Variants in SSC5D observed in about 807,000 individuals in gnomAD.
SSC5D encodes soluble scavenger receptor cysteine-rich domain-containing protein SSC5D.
Under a neutral mutation model 104.6 loss-of-function variants are expected in SSC5D, and 106 were observed. The observed-to-expected ratio is 1.01, with a 90% CI of 0.87 to 1.19. The LOEUF is 1.19. Among genes scored for constraint, SSC5D ranks in the 50% most tolerant of loss-of-function variants. The pLI is 0.00. For synonymous variants in SSC5D, 860 were observed against 883.5 expected (o/e 0.97, Z 0.47); for missense variants, 1,993 against 2,153.8 (o/e 0.93, Z 1.48).
intron 2 of SSC5D, 126 bp from the exon 3 acceptor site, chr19:55,489,228 G>T (rs1987055054): frequency 1.7e-6 from 2 of 1,167,362 alleles, no homozygotes; most frequent in Admixed American, 3.6e-5. Context: ...GGGCCCAGGG[G>T]CCAGTGAGCA....
chr19:55,512,912 G>A, intron 12 of SSC5D, 99 bp from the exon 13 acceptor site: 1 of 1,426,360 alleles, frequency 7.0e-7, no homozygotes, highest in Non-Finnish European at 9.7e-7. Context: ...GTTGAGACGG[G>A]ATGATGCCTG....
At chr19:55,495,136 C>A (rs1987278092) in intron 8 of SSC5D, among the ~76,000 whole-genome samples, 1 of 147,134 alleles carries the variant, frequency 6.8e-6, no homozygotes, top group South Asian at 2.1e-4. Context: ...CAAGGAACAG[C>A]CCTGCTCAAA....
rs2123448390 is a variant in SSC5D, at chr19:55,503,882, G to A, written c.2785+2681G>A. Among the ~76,000 whole-genome samples, 1 of 152,324 alleles carries A rather than the reference G, an allele frequency of 6.6e-6. No homozygotes were observed. Among genetic ancestry groups the A allele is most frequent in the Non-Finnish European group, 1.5e-5 (1 of 68,026 alleles). On this transcript the variant is annotated intron_variant, in intron 12 of 13. Coordinates refer to ENST00000389623, the MANE Select transcript of SSC5D (RefSeq NM_001144950.2). The surrounding 1 kb of genome is among the most constrained non-coding windows in gnomAD (Gnocchi z 4.0). ...GGTGGGCCCGGGAATGGAGGGACGG[G>A]ATGGGGCAGGCGTTCATCTGCCTCG...
At chr19:55,504,009 CG>C (rs1315138675) in intron 12 of SSC5D, 1 of 1,082,640 alleles carries the variant, frequency 9.2e-7, no homozygotes, top group East Asian at 2.8e-5. Context: ...CCCCAAGAAG[CG>C]GGCCTTGAGG....
chr19:55,498,758 C>T lies in SSC5D; in HGVS notation c.1705+561C>T, dbSNP rs534688364. ...AAATACTCTAACAAATCATTGCAAACCTGTGTGACTCGTTATAGTTTGAGG... is the reference window on the plus strand; with the variant it reads ...AAATACTCTAACAAATCATTGCAAATCTGTGTGACTCGTTATAGTTTGAGG... On this transcript the variant is annotated intron_variant, in intron 9 of 13. Coordinates refer to ENST00000389623, the MANE Select transcript of SSC5D (RefSeq NM_001144950.2). 2.0e-5 allele frequency among the ~76,000 whole-genome samples: 3 copies of T among 152,318 alleles called. No homozygotes were observed. In the East Asian group the frequency reaches 5.8e-4, roughly 29 times the overall value.
rs187861899 is a variant in SSC5D at position 55,504,151 on chromosome 19, C to T, written c.2785+2950C>T. Reference sequence around the variant, plus strand: ...GGGAGCTCCGAGAGGTGATGCTCCTCGTTCAAGGACTGCCAGGGTTGCAGC... The same window carrying T: ...GGGAGCTCCGAGAGGTGATGCTCCTTGTTCAAGGACTGCCAGGGTTGCAGC... On this transcript the variant is annotated intron_variant, in intron 12 of 13. Coordinates refer to ENST00000389623, the MANE Select transcript of SSC5D (RefSeq NM_001144950.2). 3.4e-4 allele frequency: 519 copies of T among 1,535,668 alleles called. 3 individuals carry two copies. In the African/African-American group the frequency reaches 6.3e-3, roughly 19 times the overall value.
chr19:55,494,913 C>G, intron 8 of SSC5D, 130 bp downstream of exon 8: 3 of 1,088,036 alleles, frequency 2.8e-6, no homozygotes, highest in Non-Finnish European at 3.8e-6. Flanking sequence ...GGGCCTCGCC[C>G]AGGACACTGA....
chr19:55,517,269 C>T lies in SSC5D; in HGVS notation c.2993C>T (p.Ala998Val). Residue 998 changes from alanine (A) to valine (V), a missense_variant, in exon 14 of 14, where the codon GCT becomes GTT. Coordinates refer to ENST00000389623, the MANE Select transcript of SSC5D (RefSeq NM_001144950.2). ...PWPERRPPRP[A>V]ATRTAPPTPS... is the part of the protein sequence containing the mutation. ...CCCGAGCGCCGGCCACCGCGGCCCG[C>T]TGCGACCAGGACAGCGCCCCCAACC... 1 of 1,545,568 alleles carries T rather than the reference C, an allele frequency of 6.5e-7. No individual in the cohort carries two copies. The highest frequency in any genetic ancestry group is 1.2e-5 in the South Asian group (1 of 84,000).
rs1987104707 is a variant in SSC5D at position 55,490,375 on chromosome 19, G to A, written c.553G>A (p.Ala185Thr). ...GCCCAAGCAGGCCAAGTCCACCCGGGCCCCTCTGCTGACGACAGGAGCCCC... is the reference window on the plus strand; with the variant it reads ...GCCCAAGCAGGCCAAGTCCACCCGGACCCCTCTGCTGACGACAGGAGCCCC... ...PRPKQAKSTR[A>T]PLLTTGAPRQ... Residue 185 changes from alanine to threonine, a missense_variant, in exon 5 of 14, where the codon GCC (alanine) becomes ACC (threonine). By Grantham distance (58) the Ala-to-Thr change is moderately conservative (BLOSUM62 0). Coordinates refer to ENST00000389623, the MANE Select transcript of SSC5D (RefSeq NM_001144950.2). 1.3e-6 allele frequency: 2 copies of A among 1,515,422 alleles called. No homozygotes were observed. Among genetic ancestry groups the A allele is most frequent in the Non-Finnish European group, 1.8e-6 (2 of 1,121,218 alleles). The allele number at this position is 1,515,422 out of a possible 1,614,324, so 93.9% of individuals were successfully genotyped here. A position where few individuals can be genotyped will look rare whatever the true frequency, so the allele number is the denominator to read the frequency against.
intron 6 of SSC5D, chr19:55,491,385 C>CGATGGAG (rs1987139998): frequency 1.4e-5 from 5 of 364,192 alleles, no homozygotes; most frequent in Non-Finnish European, 2.0e-5. Flanking sequence ...GCTAAGAATG[C>CGATGGAG]CTGCCTCAGG....
At chr19:55,506,877 A>T (rs898653943) in intron 12 of SSC5D, among the ~76,000 whole-genome samples, 7 of 151,912 alleles carry the variant, frequency 4.6e-5, no homozygotes, top group African/African-American at 1.7e-4. Context: ...TGCAGTTTAA[A>T]ATAGGATGGC....
rs199694067 is a variant in SSC5D, at chr19:55,500,145, G to A, written c.2035G>A (p.Glu679Lys). ...TGAGGCCTCCCGAAGACCTACCTCT[G>A]AGTTTACCAGAAGGCCGACCACGGA... ...TTEASRRPTS[E>K]FTRRPTTEAP... Residue 679 changes from glutamate (E) to lysine (K), a missense_variant, in exon 10 of 14, where the codon GAG becomes AAG. Transcript: ENST00000389623. The surrounding 1 kb of genome is among the most constrained non-coding windows in gnomAD (Gnocchi z 4.6). The A allele has an allele frequency of 5.8e-5, 90 of 1,551,258 alleles. No homozygotes were observed. Among genetic ancestry groups the A allele is most frequent in the Admixed American group, 3.1e-4 (16 of 50,926 alleles).
rs1422687447 is a variant in SSC5D, at chr19:55,494,657, A to G, written c.1261A>G (p.Asn421Asp). The G allele has an allele frequency of 6.5e-7, 1 of 1,546,632 alleles. No individual in the cohort carries two copies. The part of the protein sequence containing the change: ...VPPTAPTDSN[N>D]STPREAASRP... ...TCCCACGGCCCCCACGGACAGCAACAACTCCACGCCCAGGGAGGCTGCCTC... is the reference window on the plus strand; with the variant it reads ...TCCCACGGCCCCCACGGACAGCAACGACTCCACGCCCAGGGAGGCTGCCTC... Residue 421 changes from asparagine to aspartate, a missense_variant, in exon 8 of 14, where the codon AAC becomes GAC. Around this residue, in one of 6 missense-constraint regions of SSC5D, gnomAD observed 1,101 missense variants for 1,085.0 expected, o/e 1.01. Coordinates refer to ENST00000389623, the MANE Select transcript of SSC5D (RefSeq NM_001144950.2).
intron 7 of SSC5D, 132 bp from the exon 8 acceptor site, chr19:55,494,478 G>C: frequency 2.0e-6 from 2 of 1,025,286 alleles, no homozygotes; most frequent in Non-Finnish European, 2.7e-6. Flanking sequence ...TGTGTCTAGG[G>C]AGGAGGTTCG....
intron 12 of SSC5D, among the ~76,000 whole-genome samples, chr19:55,505,052 G>A (rs1329344686): frequency 2.0e-4 from 30 of 151,398 alleles, no homozygotes; most frequent in Non-Finnish European, 1.8e-4. Flanking sequence ...ATAGAAGCAC[G>A]AGTCTGGAGT....
chr19:55,494,486 T>G, intron 7 of SSC5D, 124 bp from the exon 8 acceptor site: 1 of 1,119,288 alleles, frequency 8.9e-7, no homozygotes, highest in Non-Finnish European at 1.2e-6. Flanking sequence ...GGGAGGAGGT[T>G]CGGCAGGAAG....
At chr19:55,512,051 T>C (rs1167570068) in intron 12 of SSC5D, among the ~76,000 whole-genome samples, 1 of 151,608 alleles carries the variant, frequency 6.6e-6, no homozygotes, top group Non-Finnish European at 1.5e-5. Flanking sequence ...AGGAAGCTGT[T>C]GTTGAGGCCG....
rs866556449 is a variant in SSC5D at position 55,513,155 on chromosome 19, G to A, written c.2930G>A (p.Arg977Lys). The A allele has an allele frequency of 5.3e-6, 8 of 1,507,226 alleles. No homozygotes were observed. Among genetic ancestry groups the A allele is most frequent in the South Asian group, 1.3e-5 (1 of 77,250 alleles). The allele number at this position is 1,507,226 out of a possible 1,614,324, so 93.4% of individuals were successfully genotyped here. A position where few individuals can be genotyped will look rare whatever the true frequency, so the allele number is the denominator to read the frequency against. ...AGCCCAGGCAGTCCTCCAACTCTGAGAGTCCATGGAGACACAGGTGAGACA... is the reference window on the plus strand; with the variant it reads ...AGCCCAGGCAGTCCTCCAACTCTGAAAGTCCATGGAGACACAGGTGAGACA... ...TRSPGSPPTL[R>K]VHGDTGSPRK... The change falls in exon 13 of 14, where the codon AGA becomes AAA. Residue 977 changes from arginine (R) to lysine (K), a missense_variant. Arg to Lys is a conservative substitution (Grantham distance 26, BLOSUM62 2). Transcript: ENST00000389623.
At position 55,501,129 on chromosome 19, in the gene SSC5D, C is replaced by G; in HGVS notation, c.2713C>G (p.His905Asp). ...KGTTTAGVPGHTLPWRTTRRP... is the reference protein window; with the variant it reads ...KGTTTAGVPGDTLPWRTTRRP... Reference sequence around the variant, plus strand: ...GACTACCACAGCGGGGGTACCTGGACACACTCTCCCCTGGAGGACCACCCG... The same window carrying G: ...GACTACCACAGCGGGGGTACCTGGAGACACTCTCCCCTGGAGGACCACCCG... The change falls in exon 12 of 14, where the codon CAC (histidine) becomes GAC (aspartate). Residue 905 changes from histidine to aspartate, a missense_variant. Coordinates refer to ENST00000389623, the MANE Select transcript of SSC5D (RefSeq NM_001144950.2). 1 of 1,551,410 alleles carries G rather than the reference C, an allele frequency of 6.4e-7. No individual in the cohort carries two copies. The highest frequency in any genetic ancestry group is 8.7e-7 in the Non-Finnish European group (1 of 1,146,836).
Sources: gnomAD v4.1 joint callset for allele counts (sites outside exome capture counted in the v4.1 genomes callset) on GRCh38, gnomAD v4.1.1 for gene constraint, gnomAD v4.1.1 regional missense constraint, Gnocchi (gnomAD v3.1) non-coding constraint, MANE v1.5 for transcripts, NCBI Gene and HGNC (gene_info 2026-07-23, HGNC 2026-07-21) for gene names.